Variants in SLC9A9 observed in about 807,000 individuals in gnomAD.
SLC9A9 encodes the protein solute carrier family 9 member A9.
A neutral mutation model predicts 77.8 loss-of-function variants in SLC9A9; 62 were observed. The ratio of observed to expected loss-of-function variants is 0.80; its 90% CI spans 0.65 to 0.98. The LOEUF (loss-of-function observed/expected upper bound fraction) is 0.98. SLC9A9 is among the 50% of genes least tolerant of loss of function. The pLI, the probability that SLC9A9 is intolerant of heterozygous loss-of-function variation, is 0.00. For missense variants in SLC9A9, 775 were observed against 774.9 expected (o/e 1.00, Z 0.00); for synonymous variants, 320 against 283.5 (o/e 1.13, Z -1.29).
intron 12 of SLC9A9, among the ~76,000 whole-genome samples, chr3:143,390,455 C>A (rs933024970): frequency 2.0e-5 from 3 of 152,050 alleles, no homozygotes; most frequent in Non-Finnish European, 4.4e-5. Context: ...TGGGATAATA[C>A]ATGTAAGGGG....
chr3:143,547,460 T>A (rs2036808505), intron 9 of SLC9A9, among the ~76,000 whole-genome samples: 1 of 152,174 alleles, frequency 6.6e-6, no homozygotes, highest in South Asian at 2.1e-4. Flanking sequence ...CTTCCAGTCT[T>A]CCCTAGCTAA....
intron 14 of SLC9A9, among the ~76,000 whole-genome samples, chr3:143,329,339 G>A (rs1042872803): frequency 1.3e-5 from 2 of 152,172 alleles, no homozygotes; most frequent in African/African-American, 4.8e-5. Flanking sequence ...GGGCTGACCA[G>A]AGTACTTAGT....
rs11431519 is a variant in SLC9A9 at position 143,560,729 on chromosome 3, C to CAA, written c.1001-8281_1001-8280dup. Among the ~76,000 whole-genome samples the CAA allele has an allele frequency of 4.7e-3, 699 of 148,616 alleles. 4 individuals are homozygous for CAA. The highest frequency in any genetic ancestry group is 0.014 in the Middle Eastern group (4 of 288). On this transcript the variant is annotated intron_variant, in intron 8 of 15. Coordinates refer to ENST00000316549, the MANE Select transcript of SLC9A9 (RefSeq NM_173653.4). ...AAAAGTTGAATAAAACTTTTTCCTT[C>CAA]AAAAAAAAAAGGAAACAAATACATC...
intron 12 of SLC9A9, 76 bp downstream of exon 12, chr3:143,466,961 T>C: frequency 6.5e-7 from 1 of 1,547,822 alleles, no homozygotes; most frequent in South Asian, 1.2e-5. Context: ...TACTATTGAC[T>C]AAGTCAGCAA....
intron 9 of SLC9A9, among the ~76,000 whole-genome samples, chr3:143,540,220 A>T (rs1248124417): frequency 6.6e-6 from 1 of 152,144 alleles, no homozygotes; most frequent in Non-Finnish European, 1.5e-5. Flanking sequence ...AAACAACAAT[A>T]ACATTGTTCA....
intron 14 of SLC9A9, among the ~76,000 whole-genome samples, chr3:143,339,577 A>T (rs1281380590): frequency 6.6e-6 from 1 of 151,880 alleles, no homozygotes; most frequent in Non-Finnish European, 1.5e-5. Context: ...TAAATAAATT[A>T]CTCTTCAGAT....
At chr3:143,550,931 T>C (rs1047902867) in intron 9 of SLC9A9, among the ~76,000 whole-genome samples, 1 of 152,178 alleles carries the variant, frequency 6.6e-6, no homozygotes, top group African/African-American at 2.4e-5. Context: ...CCTCCAAAAT[T>C]CATATGTTGA....
chr3:143,726,508 C>T (rs1339349141), intron 4 of SLC9A9, among the ~76,000 whole-genome samples: 3 of 152,264 alleles, frequency 2.0e-5, no homozygotes, highest in Non-Finnish European at 2.9e-5. Context: ...GGGAATACCA[C>T]CACAGATTAC....
rs114611284 is a variant in SLC9A9 at position 143,591,336 on chromosome 3, A to G, written c.756-12613T>C. On this transcript the variant is annotated intron_variant, in intron 6 of 15. Transcript: ENST00000316549. ...TTATCTTCTTAAACTAATGTATTTC[A>G]CAAAGGTAGTTGCCTCATTCCCACA... Among the ~76,000 whole-genome samples, 953 of 152,376 alleles carry G rather than the reference A, an allele frequency of 6.3e-3. 10 individuals are homozygous for G. The highest frequency in any genetic ancestry group is 0.022 in the African/African-American group (913 of 41,596).
chr3:143,505,009 T>C (rs907692562), intron 9 of SLC9A9, among the ~76,000 whole-genome samples: 2 of 152,142 alleles, frequency 1.3e-5, no homozygotes, highest in Non-Finnish European at 2.9e-5. Flanking sequence ...CACATCTTGT[T>C]TGATCATCGG....
intron 4 of SLC9A9, among the ~76,000 whole-genome samples, chr3:143,740,519 T>A: frequency 6.6e-6 from 1 of 152,220 alleles, no homozygotes; most frequent in East Asian, 1.9e-4. Flanking sequence ...GCTAGTTATA[T>A]GTTTCTTCTA....
chr3:143,778,172 G>A (rs2007759551), intron 4 of SLC9A9, among the ~76,000 whole-genome samples: 1 of 151,374 alleles, frequency 6.6e-6, no homozygotes, highest in Non-Finnish European at 1.5e-5. Flanking sequence ...TTATTCTCAG[G>A]TTTTGTACTT....
chr3:143,512,829 T>C (rs2036139104), intron 9 of SLC9A9, among the ~76,000 whole-genome samples: 1 of 152,170 alleles, frequency 6.6e-6, no homozygotes, highest in African/African-American at 2.4e-5. Flanking sequence ...GAGCCAAGAC[T>C]GTGCCACTGT....
Position 143,711,579 on chromosome 3 carries a change from A to T in SLC9A9, c.534-18272T>A, listed in dbSNP as rs866076748. On this transcript the variant is annotated intron_variant, in intron 4 of 15. Coordinates refer to ENST00000316549, the MANE Select transcript of SLC9A9 (RefSeq NM_173653.4). ...CACACCTGGCTAATTTAAAAAAAAA[A>T]TTTTTTTTTTTTTTTTTTTAAAGAA... Among the ~76,000 whole-genome samples, 919 of 134,200 alleles carry T rather than the reference A, an allele frequency of 6.8e-3. 9 individuals are homozygous for T. Among genetic ancestry groups the T allele is most frequent in the Middle Eastern group, 0.033 (9 of 270 alleles). 88.0% of individuals were successfully genotyped at this position (134,200 alleles called of 152,430 possible). A position where few individuals can be genotyped will look rare whatever the true frequency, so the allele number is the denominator to read the frequency against.
At chr3:143,784,550 G>A (rs2007985564) in intron 4 of SLC9A9, among the ~76,000 whole-genome samples, 1 of 151,006 alleles carries the variant, frequency 6.6e-6, no homozygotes, top group Non-Finnish European at 1.5e-5. Flanking sequence ...TGAGAATGGG[G>A]GTTTTACCAT....
At chr3:143,340,731 CAT>C (rs1450080699) in intron 14 of SLC9A9, among the ~76,000 whole-genome samples, 1 of 152,180 alleles carries the variant, frequency 6.6e-6, no homozygotes, top group Non-Finnish European at 1.5e-5. Context: ...TGAATATACT[CAT>C]AAAAGGTCTC....
intron 14 of SLC9A9, among the ~76,000 whole-genome samples, chr3:143,331,661 G>A (rs565252132): frequency 6.6e-6 from 1 of 152,094 alleles, no homozygotes; most frequent in Non-Finnish European, 1.5e-5. Flanking sequence ...TTGGTTACTT[G>A]CCGGGCACTG....
intron 14 of SLC9A9, among the ~76,000 whole-genome samples, chr3:143,359,716 T>G (rs138325909): frequency 1.3e-4 from 20 of 152,224 alleles, no homozygotes; most frequent in African/African-American, 4.6e-4. Flanking sequence ...GATATGGCAA[T>G]TTAGGAATTT....
chr3:143,538,984 T>C (rs1039851948), intron 9 of SLC9A9, among the ~76,000 whole-genome samples: 6 of 152,232 alleles, frequency 3.9e-5, no homozygotes, highest in Non-Finnish European at 7.3e-5. Context: ...GAAAATTTAA[T>C]TTGAACAAAG....
Sources: allele counts gnomAD v4.1 joint callset (sites outside exome capture counted in the v4.1 genomes callset), GRCh38; gene constraint gnomAD v4.1.1; transcripts MANE v1.5; gene names NCBI Gene and HGNC (gene_info 2026-07-23, HGNC 2026-07-21).